The following LRRC40 variants were observed in gnomAD, a reference collection of about 807,000 sequenced individuals.
The protein encoded by LRRC40 is leucine-rich repeat-containing protein 40.
A neutral mutation model predicts 72.8 loss-of-function variants in LRRC40; 76 were observed. The observed-to-expected ratio is 1.04, with a 90% CI of 0.87 to 1.26. The LOEUF is 1.26. Among genes scored for constraint, LRRC40 ranks in the 50% most tolerant of loss-of-function variants. The pLI is 0.00. For synonymous variants in LRRC40, 243 were observed against 254.2 expected, an observed-to-expected ratio of 0.96 and a Z score of 0.42; for missense variants, 684 against 698.9, an observed-to-expected ratio of 0.98 and a Z score of 0.24.
intron 9 of LRRC40, among the ~76,000 whole-genome samples, chr1:70,172,095 C>G (rs1178368785): frequency 1.3e-5 from 2 of 152,074 alleles, no homozygotes. Context: ...GCAGAACCCT[C>G]ATGAACGGGA....
chr1:70,187,067 A>T (rs574412515), intron 3 of LRRC40, among the ~76,000 whole-genome samples, 198 bp downstream of exon 3: 5 of 152,214 alleles, frequency 3.3e-5, no homozygotes, highest in South Asian at 4.1e-4. Context: ...AAAATCAGAA[A>T]TGATGGGGGT....
chr1:70,148,775 G>A (rs1667385637), intron 13 of LRRC40, 103 bp from the exon 14 acceptor site: 1 of 666,284 alleles, frequency 1.5e-6, no homozygotes, highest in Non-Finnish European at 2.4e-6. Flanking sequence ...TTTCTTTAGT[G>A]TATGTTATTC....
intron 5 of LRRC40, among the ~76,000 whole-genome samples, 167 bp from the exon 6 acceptor site, chr1:70,179,160 T>G (rs1668186618): frequency 6.6e-6 from 1 of 152,208 alleles, no homozygotes; most frequent in Non-Finnish European, 1.5e-5. Context: ...TAAATTTTTC[T>G]ACATTTAATT....
intron 3 of LRRC40, 25 bp downstream of exon 3, chr1:70,187,240 A>G (rs762866742): frequency 1.7e-5 from 20 of 1,151,714 alleles, no homozygotes; most frequent in Middle Eastern, 1.9e-4. Flanking sequence ...GGGCAATAAT[A>G]TAAGTAAATA....
rs1410519637 is a variant in LRRC40 at position 70,205,460 on chromosome 1, TACCGA to T, written c.76_80del (p.Ser26ThrfsTer19). 1 of 1,610,074 alleles carries T rather than the reference TACCGA, an allele frequency of 6.2e-7. No homozygotes were observed. Among genetic ancestry groups the T allele is most frequent in the Non-Finnish European group, 8.5e-7 (1 of 1,176,806 alleles). ...TCGCTGCCTTCAACAGCCCTTGGGG[TACCGA>T]GGTACCGCAGTCTCTTCCACCTGCT... On this transcript the variant is annotated frameshift_variant, in exon 1 of 15. Coordinates refer to ENST00000370952, the MANE Select transcript of LRRC40 (RefSeq NM_017768.5). LOFTEE classifies it high-confidence loss of function.
rs1221920725 is a variant in LRRC40, at chr1:70,155,688, C to T, written c.1328+1G>A. ...TATAGACATGGCATCATAGTTCTTA[C>T]CTTTTTGGAATTTCACATAGTTGAT... On this transcript the variant is annotated splice_donor_variant, in intron 11 of 14. Coordinates refer to ENST00000370952, the MANE Select transcript of LRRC40 (RefSeq NM_017768.5). LOFTEE classifies it high-confidence loss of function. The T allele has an allele frequency of 6.8e-7, 1 of 1,478,386 alleles. No homozygotes were observed. Among genetic ancestry groups the T allele is most frequent in the Admixed American group, 1.8e-5 (1 of 55,476 alleles). The allele number at this position is 1,478,386 out of a possible 1,614,324, so 91.6% of individuals were successfully genotyped here. A position where few individuals can be genotyped will look rare whatever the true frequency, so the allele number is the denominator to read the frequency against.
At chr1:70,160,761 CGA>C (rs1233149116) in intron 9 of LRRC40, among the ~76,000 whole-genome samples, 4 of 151,652 alleles carry the variant, frequency 2.6e-5, no homozygotes, top group African/African-American at 9.7e-5. Flanking sequence ...AAGACTGTTG[CGA>C]GAGAGATTTC....
chr1:70,193,180 A>T (rs1294933546), intron 1 of LRRC40, among the ~76,000 whole-genome samples: 1 of 151,858 alleles, frequency 6.6e-6, no homozygotes, highest in Non-Finnish European at 1.5e-5. Context: ...AGAGAGAAAC[A>T]AACAGAGAAA....
chr1:70,178,208 CTG>C (rs1668152040), intron 6 of LRRC40, among the ~76,000 whole-genome samples: 1 of 152,120 alleles, frequency 6.6e-6, no homozygotes, highest in African/African-American at 2.4e-5. Flanking sequence ...CAAGGATCAA[CTG>C]TAATCAGTTT....
intron 11 of LRRC40, among the ~76,000 whole-genome samples, chr1:70,154,108 T>G (rs1014376653): frequency 3.3e-5 from 5 of 152,188 alleles, no homozygotes; most frequent in Admixed American, 1.3e-4. Context: ...ATATATTCCT[T>G]TATTTATTCC....
At chr1:70,189,622 T>C (rs1335757000) in intron 1 of LRRC40, among the ~76,000 whole-genome samples, 7 of 152,150 alleles carry the variant, frequency 4.6e-5, no homozygotes, top group Admixed American at 1.3e-4. Flanking sequence ...GGCTAACAGA[T>C]TAATAGAGAA....
intron 5 of LRRC40, chr1:70,180,288 C>T (rs953201813): frequency 6.6e-6 from 1 of 152,074 alleles, no homozygotes; most frequent in African/African-American, 2.4e-5. Flanking sequence ...CTGGTGGTCC[C>T]CCACTATGGG....
chr1:70,153,529 C>T (rs953973820), intron 11 of LRRC40, among the ~76,000 whole-genome samples: 1 of 151,924 alleles, frequency 6.6e-6, no homozygotes, highest in African/African-American at 2.4e-5. Context: ...TTTGATATAT[C>T]GAGTCAAACT....
intron 10 of LRRC40, among the ~76,000 whole-genome samples, chr1:70,159,059 T>C (rs1667701116): frequency 6.6e-6 from 1 of 152,206 alleles, no homozygotes; most frequent in African/African-American, 2.4e-5. Context: ...TTTTTTGCAA[T>C]TATTATTACT....
intron 11 of LRRC40, 46 bp from the exon 12 acceptor site, chr1:70,152,589 C>G: frequency 1.0e-6 from 1 of 967,350 alleles, no homozygotes. Flanking sequence ...AATTCACTGC[C>G]AGAACTTCAA....
chr1:70,173,588 A>AT, intron 8 of LRRC40, 34 bp downstream of exon 8: 1 of 1,504,932 alleles, frequency 6.6e-7, no homozygotes, highest in Non-Finnish European at 9.2e-7. Context: ...CTGAATTTCA[A>AT]TTTAACAAAG....
intron 5 of LRRC40, chr1:70,180,249 C>T (rs1668213115): frequency 6.6e-6 from 1 of 152,256 alleles, no homozygotes; most frequent in Non-Finnish European, 1.5e-5. Flanking sequence ...TGTTTCTGAC[C>T]TGGGTTGGTT....
intron 14 of LRRC40, 93 bp from the exon 15 acceptor site, chr1:70,145,998 G>T: frequency 1.6e-6 from 1 of 615,874 alleles, no homozygotes; most frequent in Non-Finnish European, 2.7e-6. Flanking sequence ...TAAAATTTCT[G>T]TATTTTTTTT....
intron 11 of LRRC40, among the ~76,000 whole-genome samples, chr1:70,153,573 G>C (rs1462968072): frequency 6.6e-6 from 1 of 152,048 alleles, no homozygotes; most frequent in African/African-American, 2.4e-5. Flanking sequence ...ATCTGGCCTA[G>C]AGAAACAATA....
Sources: allele counts gnomAD v4.1 joint callset (sites outside exome capture counted in the v4.1 genomes callset), GRCh38; gene constraint gnomAD v4.1.1; transcripts MANE v1.5; gene names NCBI Gene and HGNC (gene_info 2026-07-23, HGNC 2026-07-21).